The following MAP3K2 variants were observed in gnomAD, a reference collection of about 807,000 sequenced individuals.
MAP3K2 encodes MAP/ERK kinase kinase 2.
MAP3K2 carries 24 observed loss-of-function variants against 80.3 expected under a neutral mutation model. The observed-to-expected ratio is 0.30, with a 90% CI of 0.22 to 0.42. The LOEUF (loss-of-function observed/expected upper bound fraction) is 0.42. Among genes scored for constraint, MAP3K2 ranks in the 10% least tolerant of loss-of-function variants. The pLI, the probability that MAP3K2 is intolerant of heterozygous loss-of-function variation, is 1.00. For synonymous variants in MAP3K2, 244 were observed against 253.7 expected (o/e 0.96, Z 0.36); for missense variants, 608 against 750.1 (o/e 0.81, Z 2.21).
At chr2:127,329,859 T>A in intron 7 of MAP3K2, 62 bp downstream of exon 7, 1 of 933,482 alleles carries the variant, frequency 1.1e-6, no homozygotes, top group Non-Finnish European at 1.8e-6. Flanking sequence ...CCACACTACA[T>A]TAAAGGATGG....
intron 1 of MAP3K2, among the ~76,000 whole-genome samples, chr2:127,366,400 A>AC (rs1686972541): frequency 6.6e-6 from 1 of 151,038 alleles, no homozygotes; most frequent in Non-Finnish European, 1.5e-5. Flanking sequence ...AAAAAAAAAA[A>AC]CCCAACAAAA....
At chr2:127,387,385 G>A (rs1243621341) in intron 1 of MAP3K2, 67 bp downstream of exon 1, 8 of 25,688 alleles carry the variant, frequency 3.1e-4, no homozygotes, top group East Asian at 2.4e-3. Flanking sequence ...CGCGGCCCCC[G>A]ACACACACGC....
intron 1 of MAP3K2, among the ~76,000 whole-genome samples, chr2:127,344,085 C>T (rs1166952007): frequency 6.6e-6 from 1 of 152,012 alleles, no homozygotes; most frequent in African/African-American, 2.4e-5. Flanking sequence ...AAGATGTTAA[C>T]TGTAATCCCC....
chr2:127,368,520 G>A (rs910903118), intron 1 of MAP3K2, among the ~76,000 whole-genome samples: 2 of 152,136 alleles, frequency 1.3e-5, no homozygotes, highest in East Asian at 3.9e-4. Context: ...TACTCAGGAG[G>A]CTGAGGCAGG....
chr2:127,351,723 A>G (rs759097434), intron 1 of MAP3K2, among the ~76,000 whole-genome samples: 4 of 152,150 alleles, frequency 2.6e-5, no homozygotes, highest in Non-Finnish European at 5.9e-5. Context: ...CTATACAACA[A>G]TAAGGATCAC....
rs1685685957 is a variant in MAP3K2, at chr2:127,305,796, TAG to T, written c.*1781_*1782del. The T allele has an allele frequency of 6.6e-6, 1 of 152,140 alleles. No homozygotes were observed. Among genetic ancestry groups the T allele is most frequent in the Non-Finnish European group, 1.5e-5 (1 of 68,012 alleles). The allele number at this position is 152,140 out of a possible 1,614,324, so 9.4% of individuals were successfully genotyped here. On this transcript the variant is annotated 3_prime_UTR_variant, in exon 17 of 17. Transcript: ENST00000682094. ...ATGTTTTATAGTAGCACAATTCTATTAGAGATAGTGGGGCCTTTCCCAGCTGT... is the reference window on the plus strand; with the variant it reads ...ATGTTTTATAGTAGCACAATTCTATTAGATAGTGGGGCCTTTCCCAGCTGT...
In MAP3K2 at chr2:127,343,160, A is replaced by T; in HGVS notation, c.-31T>A. 1 of 1,545,874 alleles carries T rather than the reference A, an allele frequency of 6.5e-7. No individual in the cohort carries two copies. Among genetic ancestry groups the T allele is most frequent in the Non-Finnish European group, 8.8e-7 (1 of 1,140,766 alleles). On this transcript the variant is annotated 5_prime_UTR_variant, in exon 2 of 17. An upstream open reading frame in the 5' UTR loses its in-frame stop. Transcript: ENST00000682094. ...CAAACAGCTCAACAATTTGAAAATTAGGAAAATGGTTCTCCCATCAGCATT... is the reference window on the plus strand; with the variant it reads ...CAAACAGCTCAACAATTTGAAAATTTGGAAAATGGTTCTCCCATCAGCATT...
rs1019483163 is a variant in MAP3K2, at chr2:127,322,738, C to T, written c.839-486G>A. On this transcript the variant is annotated intron_variant, in intron 11 of 16. Coordinates refer to ENST00000682094, the MANE Select transcript of MAP3K2 (RefSeq NM_001371910.2). The surrounding 1 kb of genome is among the most constrained non-coding windows in gnomAD (Gnocchi z 4.2). Reference sequence around the variant, plus strand: ...CCTCCCAAGTAGCTGGGATTACAGGCGCCCACCACCATGCCCAGCTAATTT... The same window carrying T: ...CCTCCCAAGTAGCTGGGATTACAGGTGCCCACCACCATGCCCAGCTAATTT... 6.6e-6 allele frequency among the ~76,000 whole-genome samples: 1 copy of T among 151,726 alleles called. No homozygotes were observed. Among genetic ancestry groups the T allele is most frequent in the Non-Finnish European group, 1.5e-5 (1 of 67,934 alleles).
At chr2:127,342,444 G>A (rs187882899) in intron 2 of MAP3K2, among the ~76,000 whole-genome samples, 1 of 148,688 alleles carries the variant, frequency 6.7e-6, no homozygotes, top group Admixed American at 6.7e-5. Context: ...TAAGCAAGAA[G>A]TAGAAAATGT....
chr2:127,387,987 C>T, upstream of MAP3K2: 1 of 984,236 alleles, frequency 1.0e-6, no homozygotes, highest in East Asian at 1.1e-4. Context: ...TCGGGCGTAG[C>T]GCGGCGCACG....
At chr2:127,378,657 G>A (rs1354437974) in intron 1 of MAP3K2, among the ~76,000 whole-genome samples, 2 of 152,236 alleles carry the variant, frequency 1.3e-5, no homozygotes, top group South Asian at 2.1e-4. Flanking sequence ...GTTAAATCAG[G>A]TACAGGTGAA....
rs114631116 is a variant in MAP3K2, at chr2:127,308,473, G to A, written c.1634+112C>T. The A allele has an allele frequency of 7.6e-4, 697 of 914,274 alleles. 2 individuals are homozygous for A. In the African/African-American group the frequency reaches 0.011, roughly 14 times the overall value. 56.6% of individuals were successfully genotyped at this position (914,274 alleles called of 1,614,324 possible). A position where few individuals can be genotyped will look rare whatever the true frequency, so the allele number is the denominator to read the frequency against. ...TAGTGTTAATCTTCGCAATTCTTAC[G>A]TCCTATTTTGGAAGTACAAAAGATT... On this transcript the variant is annotated intron_variant, in intron 16 of 16. Transcript: ENST00000682094.
intron 5 of MAP3K2, among the ~76,000 whole-genome samples, chr2:127,334,720 A>G (rs1253556077): frequency 6.6e-6 from 1 of 150,774 alleles, no homozygotes; most frequent in Non-Finnish European, 1.5e-5. Context: ...TGCTGGGATT[A>G]TAGGCATGAG....
chr2:127,340,906 T>C (rs1008401963), intron 2 of MAP3K2, among the ~76,000 whole-genome samples: 3 of 152,150 alleles, frequency 2.0e-5, no homozygotes, highest in Non-Finnish European at 4.4e-5. Context: ...ATATGCTTAA[T>C]ATTACAATGT....
chr2:127,388,148 C>G (rs1401332165), upstream of MAP3K2: 2 of 985,040 alleles, frequency 2.0e-6, no homozygotes, highest in African/African-American at 3.5e-5. Context: ...GGCCGGACGG[C>G]GCGGGGATTC....
intron 1 of MAP3K2, among the ~76,000 whole-genome samples, chr2:127,386,879 T>C (rs1019392899): frequency 3.3e-5 from 5 of 152,206 alleles, no homozygotes; most frequent in Non-Finnish European, 5.9e-5. Context: ...CAAGCCTTCC[T>C]GGATTACTAC....
chr2:127,385,200 AT>A (rs969627149), intron 1 of MAP3K2, among the ~76,000 whole-genome samples: 2 of 152,218 alleles, frequency 1.3e-5, no homozygotes, highest in African/African-American at 4.8e-5. Flanking sequence ...GAGTCCATCG[AT>A]GCGGCAAACT....
At chr2:127,348,202 A>G (rs1686632227) in intron 1 of MAP3K2, among the ~76,000 whole-genome samples, 1 of 152,090 alleles carries the variant, frequency 6.6e-6, no homozygotes, top group African/African-American at 2.4e-5. Context: ...AGTCTGTCCA[A>G]TGTGATGAAA....
At chr2:127,360,384 AGC>A (rs1686864486) in intron 1 of MAP3K2, among the ~76,000 whole-genome samples, 1 of 151,778 alleles carries the variant, frequency 6.6e-6, no homozygotes, top group Non-Finnish European at 1.5e-5. Flanking sequence ...AAAAAAAAAA[AGC>A]AGATCATTGG....
Sources: gnomAD v4.1 joint callset for allele counts (sites outside exome capture counted in the v4.1 genomes callset) on GRCh38, gnomAD v4.1.1 for gene constraint, Gnocchi (gnomAD v3.1) non-coding constraint, MANE v1.5 for transcripts, NCBI Gene and HGNC (gene_info 2026-07-23, HGNC 2026-07-21) for gene names.